Variants in MRTFB observed in about 807,000 individuals in gnomAD.
MRTFB encodes the protein myocardin-related transcription factor B.
Under a neutral mutation model 104.2 loss-of-function variants are expected in MRTFB, and 29 were observed. The observed-to-expected ratio is 0.28, with a 90% CI of 0.21 to 0.38. MRTFB has a LOEUF of 0.38. MRTFB is among the 10% of genes least tolerant of loss of function. The pLI is 1.00. For synonymous variants in MRTFB, 535 were observed against 519.5 expected (o/e 1.03, Z -0.41); for missense variants, 1,270 against 1,341.6 (o/e 0.95, Z 0.83).
intron 16 of MRTFB, among the ~76,000 whole-genome samples, chr16:14,259,079 T>C: frequency 9.0e-6 from 1 of 111,644 alleles, no homozygotes; most frequent in Non-Finnish European, 2.0e-5. Context: ...AATTGATATT[T>C]GACTACAGAT....
chr16:14,187,094 G>GACC, intron 3 of MRTFB: 1 of 1,409,750 alleles, frequency 7.1e-7, no homozygotes, highest in Non-Finnish European at 9.7e-7. Context: ...TCAGCCAGCT[G>GACC]AGCGTGTCTG....
chr16:14,194,177 G>C (rs2040323349), intron 3 of MRTFB, among the ~76,000 whole-genome samples: 1 of 152,160 alleles, frequency 6.6e-6, no homozygotes, highest in African/African-American at 2.4e-5. Flanking sequence ...TGTCTTCCCA[G>C]TTGTATTTGT....
chr16:14,017,380 AAG>A, the MRTFB span, among the ~76,000 whole-genome samples: 2 of 151,608 alleles, frequency 1.3e-5, no homozygotes, highest in Non-Finnish European at 2.9e-5. Context: ...TAACAGCAGA[AAG>A]AGAGAATTGG....
rs546557598 is a variant in MRTFB at position 14,180,668 on chromosome 16, T to C, written c.155-29575T>C. Among the ~76,000 whole-genome samples, 11 of 152,320 alleles carry C rather than the reference T, an allele frequency of 7.2e-5. No individual in the cohort carries two copies. The East Asian group carries it at 2.1e-3, about 29-fold the overall frequency. On this transcript the variant is annotated intron_variant, in intron 3 of 16. Transcript: ENST00000571589. ...AAGCTGTCCTCTGCCTGTGCTGCCA[T>C]TCCCTTGTCCCACACAGCACTCTCC...
At chr16:14,174,456 G>A (rs554864032) in intron 3 of MRTFB, among the ~76,000 whole-genome samples, 1 of 152,314 alleles carries the variant, frequency 6.6e-6, no homozygotes, top group African/African-American at 2.4e-5. Flanking sequence ...GCTGAGGTAG[G>A]CGGATCACTT....
At chr16:14,052,976 C>G in the MRTFB span, among the ~76,000 whole-genome samples, 1 of 152,146 alleles carries the variant, frequency 6.6e-6, no homozygotes, top group African/African-American at 2.4e-5. Flanking sequence ...ATTTGTTTTT[C>G]TGTTCCTCGC....
upstream of MRTFB, among the ~76,000 whole-genome samples, chr16:14,068,883 A>G (rs1435148398): frequency 6.6e-6 from 1 of 151,806 alleles, no homozygotes; most frequent in Non-Finnish European, 1.5e-5. Context: ...AGTAGAAGAA[A>G]GACAAATTCT....
Position 14,140,532 on chromosome 16 carries a change from T to C in MRTFB, c.-63-12T>C, listed in dbSNP as rs931717279. On this transcript the variant is annotated splice_polypyrimidine_tract_variant and intron_variant, in intron 2 of 16. Transcript: ENST00000571589. ...ACTGCACCATCTCTTTACACATTCT[T>C]TATTTTGGCAGTGTCTTCAATAGGC... 1.3e-6 allele frequency: 2 copies of C among 1,550,394 alleles called. No homozygotes were observed. Among genetic ancestry groups the C allele is most frequent in the South Asian group, 1.2e-5 (1 of 85,820 alleles).
the MRTFB span, among the ~76,000 whole-genome samples, chr16:14,055,688 C>T: frequency 6.6e-6 from 1 of 152,174 alleles, no homozygotes; most frequent in South Asian, 2.1e-4. Context: ...CTCTTTGAAT[C>T]ATGTCTATCA....
chr16:14,109,982 A>C (rs1372729564), intron 2 of MRTFB, among the ~76,000 whole-genome samples: 2 of 152,236 alleles, frequency 1.3e-5, no homozygotes, highest in Non-Finnish European at 2.9e-5. Flanking sequence ...AGAAAAGGAG[A>C]GGAAAAAGGA....
intron 16 of MRTFB, 105 bp from the exon 17 acceptor site, chr16:14,260,804 A>G (rs30125): frequency 0.13 from 120,447 of 925,622 alleles, 12,950 homozygotes; most frequent in African/African-American, 0.45. Flanking sequence ...ACGGACGTGC[A>G]TAGAAGGAAT....
intron 3 of MRTFB, among the ~76,000 whole-genome samples, chr16:14,191,351 G>A (rs1402582006): frequency 6.6e-6 from 1 of 152,144 alleles, no homozygotes; most frequent in Non-Finnish European, 1.5e-5. Context: ...TGCCTTGCAG[G>A]CCCTGTCTCT....
At chr16:14,193,484 A>T (rs866180409) in intron 3 of MRTFB, among the ~76,000 whole-genome samples, 5 of 152,054 alleles carry the variant, frequency 3.3e-5, no homozygotes, top group Non-Finnish European at 7.4e-5. Context: ...TCGCCTTCTC[A>T]CACAGGCCCT....
chr16:14,140,661 C>G lies in MRTFB; in HGVS notation c.55C>G (p.Leu19Val). The G allele has an allele frequency of 6.2e-7, 1 of 1,614,206 alleles. No homozygotes were observed. The highest frequency in any genetic ancestry group is 1.7e-5 in the Admixed American group (1 of 60,026). The change falls in exon 3 of 17, where the codon CTT becomes GTT. Residue 19 changes from leucine to valine, a missense_variant. Leu to Val is a conservative substitution (Grantham distance 32). Transcript: ENST00000571589. Reference protein sequence around the residue: ...TEDEVGPLAHLAPSPQSEAVA... With the variant: ...TEDEVGPLAHVAPSPQSEAVA... ...GGATGAAGTGGGACCTTTAGCCCATCTTGCTCCAAGTCCTCAGAGTGAAGC... is the reference window on the plus strand; with the variant it reads ...GGATGAAGTGGGACCTTTAGCCCATGTTGCTCCAAGTCCTCAGAGTGAAGC...
At chr16:14,091,027 AGATTTTGCCCTTAGT>A (rs1330148327) in intron 2 of MRTFB, among the ~76,000 whole-genome samples, 1 of 152,006 alleles carries the variant, frequency 6.6e-6, no homozygotes, top group Non-Finnish European at 1.5e-5. Flanking sequence ...TAAGGAATTT[AGATTTTGCCCTTAGT>A]GATGGGGAGT....
At chr16:14,073,579 C>A (rs1272265666) in intron 1 of MRTFB, among the ~76,000 whole-genome samples, 1 of 152,108 alleles carries the variant, frequency 6.6e-6, no homozygotes, top group Admixed American at 6.5e-5. Flanking sequence ...GATGGGAGGT[C>A]AGGTTAGTAC....
intron 3 of MRTFB, among the ~76,000 whole-genome samples, chr16:14,154,804 G>A (rs1247797683): frequency 6.6e-6 from 1 of 152,236 alleles, no homozygotes; most frequent in Non-Finnish European, 1.5e-5. Flanking sequence ...TGGACTCAGA[G>A]CCTGAGTTCC....
the MRTFB span, among the ~76,000 whole-genome samples, chr16:14,036,301 TA>T: frequency 2.4e-5 from 3 of 126,874 alleles, no homozygotes; most frequent in East Asian, 2.3e-4. Flanking sequence ...TATATTTATA[TA>T]TATATATATA....
At chr16:14,033,357 G>A in the MRTFB span, among the ~76,000 whole-genome samples, 11 of 146,204 alleles carry the variant, frequency 7.5e-5, no homozygotes, top group African/African-American at 2.8e-4. Flanking sequence ...ACCAGCCTGG[G>A]CAATATAGCA....
Sources: allele counts gnomAD v4.1 joint callset (sites outside exome capture counted in the v4.1 genomes callset), GRCh38; gene constraint gnomAD v4.1.1; transcripts MANE v1.5; gene names NCBI Gene and HGNC (gene_info 2026-07-23, HGNC 2026-07-21).